The following ITCH variants were observed in gnomAD, a reference collection of about 807,000 sequenced individuals.
ITCH encodes the protein E3 ubiquitin-protein ligase Itchy homolog.
In ITCH, 28 loss-of-function variants were observed where a neutral mutation model predicts 126.8. The ratio of observed to expected loss-of-function variants is 0.22; its 90% CI spans 0.16 to 0.30. ITCH has a LOEUF of 0.30. Among genes scored for constraint, ITCH ranks in the 10% least tolerant of loss-of-function variants. The pLI is 1.00. For missense variants in ITCH, 631 were observed against 1,032.4 expected (o/e 0.61, Z 5.33); for synonymous variants, 342 against 340.0 (o/e 1.01, Z -0.06).
chr20:34,437,204 C>T (rs1446731506), intron 7 of ITCH, among the ~76,000 whole-genome samples: 1 of 151,604 alleles, frequency 6.6e-6, no homozygotes, highest in African/African-American at 2.4e-5. Flanking sequence ...TACTTTTTTT[C>T]ACTATGTATA....
intron 16 of ITCH, chr20:34,475,842 C>A: frequency 7.9e-6 from 6 of 758,766 alleles, no homozygotes; most frequent in Non-Finnish European, 1.4e-5. Flanking sequence ...AGAATCCACT[C>A]ATCCATGTAC....
intron 16 of ITCH, chr20:34,476,382 G>T: frequency 7.9e-7 from 1 of 1,273,770 alleles, no homozygotes; most frequent in East Asian, 3.2e-5. Context: ...TGGCTCCAGC[G>T]CGGGACCCGG....
intron 4 of ITCH, among the ~76,000 whole-genome samples, chr20:34,410,606 G>A (rs564610720): frequency 6.6e-6 from 1 of 152,274 alleles, no homozygotes; most frequent in African/African-American, 2.4e-5. Flanking sequence ...TACTTGGGAG[G>A]ATAAGGGGGG....
rs148065867 is a variant in ITCH, at chr20:34,460,483, T to C, written c.1296-1610T>C. Among the ~76,000 whole-genome samples, 440 of 152,174 alleles carry C rather than the reference T, an allele frequency of 2.9e-3. 2 individuals are homozygous for C. Among genetic ancestry groups the C allele is most frequent in the African/African-American group, 0.01 (427 of 41,502 alleles). On this transcript the variant is annotated intron_variant, in intron 13 of 24. Transcript: ENST00000374864. The stretch of plus-strand genomic sequence containing the variant: ...TCCTGGCAGTATGTAGGAAATACTT[T>C]TGGAAGACCTAAAGAGAACGATCAA...
chr20:34,376,315 G>A (rs1009155458), intron 2 of ITCH, among the ~76,000 whole-genome samples: 2 of 152,048 alleles, frequency 1.3e-5, no homozygotes, highest in South Asian at 4.2e-4. Flanking sequence ...TGCGCCTATT[G>A]TCCCAGCTGA....
rs1048439887 is a variant in ITCH, at chr20:34,510,401, C to A, written c.*2607C>A. 1 of 123,090 alleles carries A rather than the reference C, an allele frequency of 8.1e-6. No individual in the cohort carries two copies. Among genetic ancestry groups the A allele is most frequent in the African/African-American group, 3.1e-5 (1 of 31,826 alleles). The allele number at this position is 123,090 out of a possible 1,614,324, so 7.6% of individuals were successfully genotyped here. A position where few individuals can be genotyped will look rare whatever the true frequency, so the allele number is the denominator to read the frequency against. On this transcript the variant is annotated 3_prime_UTR_variant, in exon 25 of 25. Transcript: ENST00000374864. ...TCTGAACTAACTTGCTTTTAGAAGT[C>A]TTTTTCTTTGTAAGCATTGTAAATG... is the stretch of plus-strand genomic sequence containing the variant.
At chr20:34,506,144 C>T (rs1025861410) in intron 24 of ITCH, among the ~76,000 whole-genome samples, 15 of 151,978 alleles carry the variant, frequency 9.9e-5, no homozygotes, top group African/African-American at 3.6e-4. Context: ...CACTCATGCA[C>T]CCTCCACCTC....
intron 2 of ITCH, among the ~76,000 whole-genome samples, chr20:34,377,379 GA>G (rs1252525004): frequency 6.6e-6 from 1 of 150,880 alleles, no homozygotes; most frequent in Non-Finnish European, 1.5e-5. Context: ...GTCTCAAAAA[GA>G]AAAAACCACC....
intron 1 of ITCH, among the ~76,000 whole-genome samples, chr20:34,365,726 A>G (rs2037397888): frequency 6.6e-6 from 1 of 152,184 alleles, no homozygotes; most frequent in Non-Finnish European, 1.5e-5. Context: ...TAAAAAATAC[A>G]TCTTTTCACT....
chr20:34,369,807 AAAAG>A (rs2037551515), intron 2 of ITCH, among the ~76,000 whole-genome samples: 1 of 152,144 alleles, frequency 6.6e-6, no homozygotes, highest in African/African-American at 2.4e-5. Context: ...TGGGTAATGA[AAAAG>A]AAGACAACAT....
chr20:34,490,710 A>G (rs1035907927), intron 22 of ITCH, among the ~76,000 whole-genome samples: 1 of 152,206 alleles, frequency 6.6e-6, no homozygotes, highest in African/African-American at 2.4e-5. Context: ...GAGAAGAACA[A>G]CCATTGCCAA....
chr20:34,461,965 A>G (rs1986564519), intron 13 of ITCH, 128 bp from the exon 14 acceptor site: 1 of 877,330 alleles, frequency 1.1e-6, no homozygotes, highest in African/African-American at 1.7e-5. Flanking sequence ...CTAGTATACA[A>G]CTGAATTACT....
At chr20:34,390,308 C>A (rs2038438747) in intron 2 of ITCH, among the ~76,000 whole-genome samples, 1 of 152,002 alleles carries the variant, frequency 6.6e-6, no homozygotes. Context: ...TAGAGAAATT[C>A]AGTAATTTGC....
chr20:34,462,173 A>G lies in ITCH; in HGVS notation c.1376A>G (p.Asn459Ser), dbSNP rs1986591422. 6 of 1,613,942 alleles carry G rather than the reference A, an allele frequency of 3.7e-6. No homozygotes were observed. The highest frequency in any genetic ancestry group is 1.1e-5 in the South Asian group (1 of 91,086). The stretch of plus-strand genomic sequence containing the variant: ...GGAATTCCATATTTTGTGGACCACA[A>G]TAGAAGAACTACCACCTATATAGAT... ...VDGIPYFVDH[N>S]RRTTTYIDPR... The change falls in exon 14 of 25, where the codon AAT becomes AGT. Residue 459 changes from asparagine to serine, a missense_variant. Coordinates refer to ENST00000374864, the MANE Select transcript of ITCH (RefSeq NM_031483.7).
chr20:34,481,012 A>G, intron 19 of ITCH, 54 bp from the exon 20 acceptor site: 1 of 1,576,456 alleles, frequency 6.3e-7, no homozygotes, highest in Non-Finnish European at 8.7e-7. Flanking sequence ...AAAAACTTAT[A>G]AATTATGATT....
intron 1 of ITCH, among the ~76,000 whole-genome samples, chr20:34,368,805 G>C (rs1373317226): frequency 1.3e-5 from 2 of 152,082 alleles, no homozygotes; most frequent in Admixed American, 1.3e-4. Flanking sequence ...AAGTTGCAGG[G>C]ACTATCATTA....
chr20:34,376,904 G>C (rs759424677), intron 2 of ITCH, among the ~76,000 whole-genome samples: 4 of 152,112 alleles, frequency 2.6e-5, no homozygotes, highest in African/African-American at 9.7e-5. Context: ...AATTTTGAAA[G>C]CTTTTTCTCT....
intron 10 of ITCH, 49 bp downstream of exon 10, chr20:34,442,352 G>T: frequency 1.6e-6 from 2 of 1,262,004 alleles, no homozygotes; most frequent in Non-Finnish European, 2.3e-6. Context: ...CAGAATTGTG[G>T]ATTACAACTG....
rs183105153 is a variant in ITCH, at chr20:34,490,727, A to G, written c.2319+801A>G. On this transcript the variant is annotated intron_variant, in intron 22 of 24. Coordinates refer to ENST00000374864, the MANE Select transcript of ITCH (RefSeq NM_031483.7). ...GAAGAACAACCATTGCCAAGGGCGC[A>G]TTGCTGGTGATAGTGTGAAATACCA... 3.4e-3 allele frequency among the ~76,000 whole-genome samples: 514 copies of G among 152,316 alleles called. 3 individuals carry two copies. Among genetic ancestry groups the G allele is most frequent in the African/African-American group, 0.012 (486 of 41,576 alleles).
Sources: gnomAD v4.1 joint callset for allele counts (sites outside exome capture counted in the v4.1 genomes callset) on GRCh38, gnomAD v4.1.1 for gene constraint, MANE v1.5 for transcripts, NCBI Gene and HGNC (gene_info 2026-07-23, HGNC 2026-07-21) for gene names.